The following CLIP2 variants were observed in gnomAD, a reference collection of about 807,000 sequenced individuals.
The protein encoded by CLIP2 is CAP-Gly domain-containing linker protein 2.
Under a neutral mutation model 111.7 loss-of-function variants are expected in CLIP2, and 41 were observed. The observed-to-expected ratio is 0.37, with a 90% CI of 0.29 to 0.48. CLIP2 has a LOEUF of 0.48. Among genes scored for constraint, CLIP2 ranks in the 20% least tolerant of loss-of-function variants. CLIP2 has a pLI of 0.99. For synonymous variants in CLIP2, 660 were observed against 644.2 expected, an observed-to-expected ratio of 1.02 and a Z score of -0.37; for missense variants, 1,160 against 1,422.1, an observed-to-expected ratio of 0.82 and a Z score of 2.96.
intron 11 of CLIP2, 30 bp downstream of exon 11, chr7:74,380,893 T>G (rs782585769): frequency 1.2e-6 from 2 of 1,610,334 alleles, no homozygotes; most frequent in South Asian, 1.1e-5. Context: ...GGCGGGACTC[T>G]GGGCTCTGGG....
At chr7:74,314,179 C>CA (rs35306275) in intron 1 of CLIP2, among the ~76,000 whole-genome samples, 2,076 of 123,096 alleles carry the variant, frequency 0.017, 35 homozygotes, top group African/African-American at 0.025. Context: ...GACTCTGTCT[C>CA]AAAAAAAAAA....
intron 3 of CLIP2, among the ~76,000 whole-genome samples, chr7:74,350,283 C>T (rs910515951): frequency 5.5e-4 from 84 of 152,098 alleles, no homozygotes; most frequent in Non-Finnish European, 7.8e-4. Context: ...AACTTCTGAG[C>T]TCAGCTGATC....
At chr7:74,367,406 G>T (rs1554311025) in intron 8 of CLIP2, among the ~76,000 whole-genome samples, 1 of 152,080 alleles carries the variant, frequency 6.6e-6, no homozygotes, top group African/African-American at 2.4e-5. Context: ...TAGCCAGGAT[G>T]GTCTCAATCT....
At chr7:74,316,089 G>A (rs1788763783) in intron 1 of CLIP2, among the ~76,000 whole-genome samples, 1 of 136,748 alleles carries the variant, frequency 7.3e-6, no homozygotes, top group Admixed American at 9.0e-5. Context: ...GTGTCCATGT[G>A]TTCTCATTGT....
chr7:74,378,794 C>A (rs146206693), intron 10 of CLIP2, among the ~76,000 whole-genome samples: 100 of 152,248 alleles, frequency 6.6e-4, no homozygotes, highest in African/African-American at 2.3e-3. Context: ...GCAGTAAGTT[C>A]TCAGGACTAA....
intron 3 of CLIP2, among the ~76,000 whole-genome samples, chr7:74,342,386 C>CA (rs3841503): frequency 6.7e-5 from 10 of 148,286 alleles, no homozygotes; most frequent in South Asian, 2.1e-4. Flanking sequence ...AAAAAAAAAA[C>CA]AAAAAAAAAG....
chr7:74,361,151 CTT>C, intron 7 of CLIP2, among the ~76,000 whole-genome samples: 1 of 55,498 alleles, frequency 1.8e-5, no homozygotes, highest in Non-Finnish European at 4.1e-5. Flanking sequence ...TTCCTTCCTT[CTT>C]CCCTCCCTCC....
At position 74,404,716 on chromosome 7, in the gene CLIP2, G is replaced by C. The variant is rs2116723886; in HGVS notation, c.*868G>C. On this transcript the variant is annotated 3_prime_UTR_variant, in exon 17 of 17. Coordinates refer to ENST00000223398, the MANE Select transcript of CLIP2 (RefSeq NM_003388.5). Reference sequence around the variant, plus strand: ...AAAGGTCAGTAATACGGTTTCCCCTGGGGTTGACCAGATGTTCCAAAATAT... The same window carrying C: ...AAAGGTCAGTAATACGGTTTCCCCTCGGGTTGACCAGATGTTCCAAAATAT... The C allele has an allele frequency of 6.6e-6, 1 of 152,550 alleles. No homozygotes were observed. Among genetic ancestry groups the C allele is most frequent in the South Asian group, 2.1e-4 (1 of 4,818 alleles). The allele number at this position is 152,550 out of a possible 1,614,324, so 9.4% of individuals were successfully genotyped here. A position where few individuals can be genotyped will look rare whatever the true frequency, so the allele number is the denominator to read the frequency against.
chr7:74,389,639 C>T (rs1473077557), intron 13 of CLIP2, among the ~76,000 whole-genome samples: 4 of 151,088 alleles, frequency 2.6e-5, no homozygotes, highest in African/African-American at 9.7e-5. Context: ...TGGCTCACAC[C>T]TGTAATCCCA....
chr7:74,357,129 C>CA (rs1426944186), intron 5 of CLIP2, 151 bp from the exon 6 acceptor site: 1 of 642,616 alleles, frequency 1.6e-6, no homozygotes, highest in Non-Finnish European at 2.8e-6. Flanking sequence ...GCCAGGATGT[C>CA]AGAGTACTGG....
At chr7:74,387,164 T>C (rs191249328) in intron 12 of CLIP2, among the ~76,000 whole-genome samples, 25 of 152,190 alleles carry the variant, frequency 1.6e-4, no homozygotes, top group African/African-American at 6.0e-4. Flanking sequence ...AGCTCTGTGT[T>C]CTCTGTGTCC....
chr7:74,397,610 A>G (rs1468740244), intron 14 of CLIP2, among the ~76,000 whole-genome samples: 5 of 151,064 alleles, frequency 3.3e-5, no homozygotes, highest in African/African-American at 1.2e-4. Flanking sequence ...CAGGAAGGAG[A>G]CAAGAACTTG....
At chr7:74,329,473 T>C (rs1428822041) in intron 2 of CLIP2, among the ~76,000 whole-genome samples, 1 of 152,208 alleles carries the variant, frequency 6.6e-6, no homozygotes, top group Non-Finnish European at 1.5e-5. Flanking sequence ...TCAAAGGCTC[T>C]GAAAAGTCCT....
rs1562734650 is a variant in CLIP2, at chr7:74,401,625, A to C, written c.3129+58A>C. The stretch of plus-strand genomic sequence containing the variant: ...CCGTGCAGGCAGACCTCTCTGGAGA[A>C]AATCCTTGAAACGTCACTAAGAATA... On this transcript the variant is annotated intron_variant, in intron 16 of 16. Coordinates refer to ENST00000223398, the MANE Select transcript of CLIP2 (RefSeq NM_003388.5). 3 of 1,519,138 alleles carry C rather than the reference A, an allele frequency of 2.0e-6. No homozygotes were observed. In the Admixed American group the frequency reaches 5.3e-5, roughly 27 times the overall value. The allele number at this position is 1,519,138 out of a possible 1,614,324, so 94.1% of individuals were successfully genotyped here.
intron 8 of CLIP2, among the ~76,000 whole-genome samples, chr7:74,366,616 G>A (rs1031812026): frequency 2.0e-5 from 3 of 152,212 alleles, no homozygotes; most frequent in Admixed American, 6.5e-5. Context: ...GGTGGCTCAC[G>A]CCTGTAATCC....
At position 74,376,138 on chromosome 7, in the gene CLIP2, C is replaced by G. The variant is rs782456592; in HGVS notation, c.1737C>G (p.Asp579Glu). Residue 579 changes from aspartate to glutamate, a missense_variant, in exon 10 of 17, where the codon GAC becomes GAG. By Grantham distance (45) the Asp-to-Glu change is conservative. Around this residue, in one of 5 missense-constraint regions of CLIP2, gnomAD observed 676 missense variants for 777.8 expected, o/e 0.87. Coordinates refer to ENST00000223398, the MANE Select transcript of CLIP2 (RefSeq NM_003388.5). The surrounding 1 kb of genome is among the most constrained non-coding windows in gnomAD (Gnocchi z 7.1). ...KALKAYQAEVDKLRAANEKYA... is the reference protein window; with the variant it reads ...KALKAYQAEVEKLRAANEKYA... ...TGAAGGCCTACCAGGCGGAGGTGGA[C>G]AAGCTCCGCGCGGCCAACGAGAAGT... 1.2e-6 allele frequency: 2 copies of G among 1,609,470 alleles called. No homozygotes were observed. The highest frequency in any genetic ancestry group is 1.1e-5 in the South Asian group (1 of 90,552).
chr7:74,386,896 A>G (rs1275023355), intron 12 of CLIP2, among the ~76,000 whole-genome samples: 1 of 151,630 alleles, frequency 6.6e-6, no homozygotes, highest in African/African-American at 2.4e-5. Flanking sequence ...GGTGGCATGC[A>G]CCTGTAATCC....
At chr7:74,380,606 A>C (rs1790914850) in intron 10 of CLIP2, 200 bp from the exon 11 acceptor site, 1 of 485,998 alleles carries the variant, frequency 2.1e-6, no homozygotes, top group Admixed American at 3.4e-5. Flanking sequence ...CTGGGTGCAG[A>C]ATGGGGGTCC....
intron 5 of CLIP2, 81 bp downstream of exon 5, chr7:74,356,704 C>G (rs1790158622): frequency 3.1e-6 from 4 of 1,279,130 alleles, no homozygotes; most frequent in Non-Finnish European, 4.4e-6. Context: ...GTGTTCTGGT[C>G]TGCCCCTGAC....
Sources: allele counts gnomAD v4.1 joint callset (sites outside exome capture counted in the v4.1 genomes callset), GRCh38; gene constraint gnomAD v4.1.1; regional missense constraint gnomAD v4.1.1; non-coding constraint Gnocchi (gnomAD v3.1); transcripts MANE v1.5; gene names NCBI Gene and HGNC (gene_info 2026-07-23, HGNC 2026-07-21).